Variants in C1orf21 observed in about 807,000 individuals in gnomAD.
C1orf21 encodes the protein uncharacterized protein C1orf21.
In C1orf21, 3 loss-of-function variants were observed where a neutral mutation model predicts 18.7. The ratio of observed to expected loss-of-function variants is 0.16; its 90% confidence interval spans 0.07 to 0.42. C1orf21 has a LOEUF of 0.42. Ranked by LOEUF, C1orf21 falls within the 10% of genes least tolerant of loss-of-function variation. C1orf21 has a pLI of 0.99. For synonymous variants in C1orf21, 41 were observed against 46.4 expected (o/e 0.88, Z 0.47); for missense variants, 104 against 143.6 (o/e 0.72, Z 1.41).
chr1:184,567,089 G>T, intron 3 of C1orf21: 1 of 486,232 alleles, frequency 2.1e-6, no homozygotes, highest in Non-Finnish European at 4.1e-6. Context: ...AGACAGTCAG[G>T]TGGCACAGTA....
intron 1 of C1orf21, among the ~76,000 whole-genome samples, chr1:184,408,610 G>A (rs182171273): frequency 4.6e-5 from 7 of 152,188 alleles, no homozygotes; most frequent in Admixed American, 4.6e-4. Context: ...TGGGTCATTT[G>A]TTAGGGCCTG....
At chr1:184,566,668 C>T (rs548088913) in intron 3 of C1orf21, 16 of 396,762 alleles carry the variant, frequency 4.0e-5, no homozygotes, top group South Asian at 3.5e-4. Flanking sequence ...GGAAATTTCA[C>T]CCATGTGGTA....
chr1:184,410,871 C>T (rs890808633), intron 1 of C1orf21, among the ~76,000 whole-genome samples: 9 of 148,928 alleles, frequency 6.0e-5, no homozygotes, highest in African/African-American at 7.5e-5. Flanking sequence ...AGGCTGGTCT[C>T]GCTCTCCTGA....
intron 3 of C1orf21, among the ~76,000 whole-genome samples, chr1:184,512,981 G>A (rs2101966078): frequency 6.6e-6 from 1 of 152,316 alleles, no homozygotes; most frequent in Non-Finnish European, 1.5e-5. Flanking sequence ...AGGAGAACAA[G>A]CCCTATCGTG....
intron 5 of C1orf21, among the ~76,000 whole-genome samples, chr1:184,610,399 C>T (rs1659711097): frequency 6.6e-6 from 1 of 152,190 alleles, no homozygotes; most frequent in Non-Finnish European, 1.5e-5. Context: ...AAGGCCTGCT[C>T]TCGGACATCA....
At chr1:184,579,863 G>A (rs906540987) in intron 3 of C1orf21, among the ~76,000 whole-genome samples, 1 of 152,056 alleles carries the variant, frequency 6.6e-6, no homozygotes, top group African/African-American at 2.4e-5. Flanking sequence ...TTTAAAATTA[G>A]AAAACAAAAA....
intron 3 of C1orf21, chr1:184,567,393 A>G: frequency 2.0e-6 from 1 of 508,070 alleles, no homozygotes; most frequent in East Asian, 5.3e-5. Flanking sequence ...GGGGAACCTC[A>G]TATCTTTAAA....
rs1318623313 is a variant in C1orf21, at chr1:184,623,532, T to C, written c.*3976T>C. 1 of 151,994 alleles carries C rather than the reference T, an allele frequency of 6.6e-6. No individual in the cohort carries two copies. 9.4% of individuals were successfully genotyped at this position (151,994 alleles called of 1,614,324 possible). A position where few individuals can be genotyped will look rare whatever the true frequency, so the allele number is the denominator to read the frequency against. On this transcript the variant is annotated 3_prime_UTR_variant, in exon 6 of 6. Coordinates refer to ENST00000235307, the MANE Select transcript of C1orf21 (RefSeq NM_030806.4). ...TAAGGCATGATTGGTGGGGAGGGAA[T>C]GTGTATTTAGGGGCATAATAAAAAG... is the stretch of plus-strand genomic sequence containing the variant.
intron 4 of C1orf21, among the ~76,000 whole-genome samples, chr1:184,592,814 C>G (rs953605797): frequency 6.6e-6 from 1 of 152,110 alleles, no homozygotes; most frequent in Non-Finnish European, 1.5e-5. Context: ...ACTGTGGTGT[C>G]GCAGTTAGGA....
At chr1:184,473,793 T>C (rs1169111738) in intron 1 of C1orf21, among the ~76,000 whole-genome samples, 1 of 152,218 alleles carries the variant, frequency 6.6e-6, no homozygotes, top group Admixed American at 6.5e-5. Flanking sequence ...ATCCTGTATT[T>C]AAGCTGCAAT....
At chr1:184,404,175 G>C in intron 1 of C1orf21, among the ~76,000 whole-genome samples, 1 of 152,152 alleles carries the variant, frequency 6.6e-6, no homozygotes, top group East Asian at 1.9e-4. Context: ...GGAAGTACAT[G>C]ATGGGATTTT....
At chr1:184,618,832 G>A (rs1019505803) in intron 5 of C1orf21, among the ~76,000 whole-genome samples, 5 of 152,158 alleles carry the variant, frequency 3.3e-5, no homozygotes, top group African/African-American at 1.2e-4. Flanking sequence ...AGCCAGCTCG[G>A]TTAAATGTGG....
intron 3 of C1orf21, among the ~76,000 whole-genome samples, chr1:184,512,212 C>T (rs1019917414): frequency 2.6e-5 from 4 of 152,202 alleles, no homozygotes; most frequent in Non-Finnish European, 5.9e-5. Flanking sequence ...ATTATTCATT[C>T]GGATTATATC....
intron 3 of C1orf21, among the ~76,000 whole-genome samples, chr1:184,518,448 G>A (rs1010561773): frequency 1.3e-5 from 2 of 152,150 alleles, no homozygotes; most frequent in African/African-American, 4.8e-5. Context: ...GTGGGTGTAG[G>A]TAAGAGTTAA....
At chr1:184,616,702 ACG>A (rs1259106942) in intron 5 of C1orf21, among the ~76,000 whole-genome samples, 2 of 137,846 alleles carry the variant, frequency 1.5e-5, no homozygotes, top group East Asian at 2.5e-4. Flanking sequence ...GTGTGTGCAC[ACG>A]TGTGTATGTG....
intron 4 of C1orf21, 91 bp downstream of exon 4, chr1:184,590,906 T>C: frequency 8.3e-7 from 1 of 1,206,640 alleles, no homozygotes; most frequent in Non-Finnish European, 1.2e-6. Context: ...GGATCAAAAA[T>C]ATTCAAAAAA....
intron 1 of C1orf21, among the ~76,000 whole-genome samples, chr1:184,409,935 TATGAAAAATTGGCAGACTTATGAGA>T (rs1375020486): frequency 1.3e-5 from 2 of 152,222 alleles, no homozygotes; most frequent in Non-Finnish European, 2.9e-5. Flanking sequence ...GGGATTCATG[TATGAAAAATTGGCAGACTTATGAGA>T]AATAAAAGTG....
At chr1:184,472,650 AAGT>A (rs1167531684) in intron 1 of C1orf21, among the ~76,000 whole-genome samples, 4 of 152,142 alleles carry the variant, frequency 2.6e-5, no homozygotes, top group Admixed American at 1.3e-4. Context: ...AATTTTATAA[AAGT>A]AGGATTTTTT....
intron 3 of C1orf21, among the ~76,000 whole-genome samples, chr1:184,535,217 C>T (rs527984290): frequency 2.0e-5 from 3 of 152,166 alleles, no homozygotes; most frequent in Non-Finnish European, 2.9e-5. Context: ...AAGAATGATT[C>T]GGGACAGCTG....
Sources: allele counts gnomAD v4.1 joint callset (sites outside exome capture counted in the v4.1 genomes callset), GRCh38; gene constraint gnomAD v4.1.1; transcripts MANE v1.5; gene names NCBI Gene and HGNC (gene_info 2026-07-23, HGNC 2026-07-21).